Variants in TEX2 observed in about 807,000 individuals in gnomAD.
The protein encoded by TEX2 is testis-expressed protein 2.
Under a neutral mutation model 106.9 loss-of-function variants are expected in TEX2, and 53 were observed. That is an observed-to-expected ratio of 0.50 (90% CI 0.40 to 0.62). The LOEUF is 0.62. TEX2 is among the 20% of genes least tolerant of loss of function. The pLI is 0.00. For synonymous variants in TEX2, 523 were observed against 534.8 expected (o/e 0.98, Z 0.30); for missense variants, 1,207 against 1,379.0 (o/e 0.88, Z 1.98).
At chr17:64,262,514 T>C (rs2034308150) in intron 1 of TEX2, among the ~76,000 whole-genome samples, 2 of 152,076 alleles carry the variant, frequency 1.3e-5, no homozygotes, top group Non-Finnish European at 2.9e-5. Flanking sequence ...CACCGTATGG[T>C]TTCCGTGCTC....
chr17:64,182,940 G>C (rs2031937774), intron 5 of TEX2, among the ~76,000 whole-genome samples: 1 of 150,160 alleles, frequency 6.7e-6, no homozygotes, highest in African/African-American at 2.5e-5. Flanking sequence ...GAGTCTTGCT[G>C]TGTCATCCAG....
intron 7 of TEX2, among the ~76,000 whole-genome samples, chr17:64,163,943 T>G (rs1337612861): frequency 6.6e-6 from 1 of 152,220 alleles, no homozygotes; most frequent in Non-Finnish European, 1.5e-5. Context: ...CCATGTGCCC[T>G]GGCTGGTGCT....
intron 2 of TEX2, among the ~76,000 whole-genome samples, chr17:64,197,748 G>A (rs2032521965): frequency 6.6e-6 from 1 of 152,096 alleles, no homozygotes; most frequent in Non-Finnish European, 1.5e-5. Flanking sequence ...GATCTTTGTA[G>A]AAATGGAGTC....
rs536262813 is a variant in TEX2, at chr17:64,193,756, G to A, written c.1979C>T (p.Pro660Leu). The A allele has an allele frequency of 2.9e-5, 46 of 1,613,464 alleles. No homozygotes were observed. The highest frequency in any genetic ancestry group is 2.3e-4 in the African/African-American group (17 of 74,846). The change falls in exon 4 of 12, where the codon CCG becomes CTG. Residue 660 changes from proline to leucine, a missense_variant. Pro to Leu is a moderately conservative substitution (Grantham distance 98). Transcript: ENST00000584379. ...QTDKETSEEK[P>L]PAEGSEDPKK... ...AGGGTCCTCACTTCCCTCAGCTGGCGGCTTCTCTTCTGAAGTCTCCTTATC... is the reference window on the plus strand; with the variant it reads ...AGGGTCCTCACTTCCCTCAGCTGGCAGCTTCTCTTCTGAAGTCTCCTTATC...
intron 8 of TEX2, 74 bp downstream of exon 8, chr17:64,160,727 T>G: frequency 6.4e-7 from 1 of 1,570,344 alleles, no homozygotes; most frequent in Non-Finnish European, 8.7e-7. Context: ...ACACATCAAA[T>G]CTGCTTCTCA....
At chr17:64,166,021 C>T (rs2031116708) in intron 7 of TEX2, among the ~76,000 whole-genome samples, 1 of 152,178 alleles carries the variant, frequency 6.6e-6, no homozygotes, top group Non-Finnish European at 1.5e-5. Context: ...ATGAATTCAT[C>T]TAAGCCTGAG....
intron 1 of TEX2, among the ~76,000 whole-genome samples, chr17:64,260,990 T>C (rs1555638470): frequency 6.6e-6 from 1 of 152,240 alleles, no homozygotes; most frequent in Non-Finnish European, 1.5e-5. Flanking sequence ...TATAATTTTA[T>C]ATTGAACCTG....
At chr17:64,235,387 G>T (rs1399847213) in intron 1 of TEX2, among the ~76,000 whole-genome samples, 1 of 152,262 alleles carries the variant, frequency 6.6e-6, no homozygotes, top group African/African-American at 2.4e-5. Context: ...GGTGCTCTGT[G>T]CTCCAAGAAA....
chr17:64,172,295 G>T (rs960958375), intron 6 of TEX2, among the ~76,000 whole-genome samples: 1 of 150,530 alleles, frequency 6.6e-6, no homozygotes, highest in Non-Finnish European at 1.5e-5. Context: ...GGAGGTTGCA[G>T]CAAGCCAAGA....
intron 3 of TEX2, among the ~76,000 whole-genome samples, chr17:64,194,201 A>G (rs1228431589): frequency 1.3e-5 from 2 of 152,230 alleles, no homozygotes; most frequent in African/African-American, 4.8e-5. Context: ...TTTGGCTATC[A>G]ACTGAATTTA....
chr17:64,169,311 T>C (rs2031289492), intron 7 of TEX2, among the ~76,000 whole-genome samples: 3 of 152,240 alleles, frequency 2.0e-5, no homozygotes, highest in South Asian at 4.1e-4. Flanking sequence ...AGTGCTAGGA[T>C]TACAGGCGTG....
intron 8 of TEX2, among the ~76,000 whole-genome samples, chr17:64,159,311 A>G (rs1260929343): frequency 6.6e-6 from 1 of 151,810 alleles, no homozygotes; most frequent in African/African-American, 2.4e-5. Flanking sequence ...TTTTTATTAG[A>G]TCTCATTTTC....
Position 64,154,907 on chromosome 17 carries a change from G to A in TEX2, c.2865C>T (p.Ser955=), listed in dbSNP as rs1459898642. 1.9e-6 allele frequency: 3 copies of A among 1,609,908 alleles called. No individual in the cohort carries two copies. Among genetic ancestry groups the A allele is most frequent in the Non-Finnish European group, 2.5e-6 (3 of 1,178,966 alleles). Residue 955 remains serine, a synonymous_variant, in exon 9 of 12, where the codon TCC becomes TCT. Transcript: ENST00000584379. The part of the protein sequence containing the change: ...DSDEESSSAG[S]SEEDDAPEPS... The stretch of plus-strand genomic sequence containing the variant: ...GCTCTGGGGCATCGTCTTCCTCGGA[G>A]GAGCCAGCGCTGGAGGATTCCTCAT...
chr17:64,149,268 T>C, intron 11 of TEX2, 177 bp from the exon 12 acceptor site: 1 of 632,616 alleles, frequency 1.6e-6, no homozygotes, highest in Non-Finnish European at 2.6e-6. Context: ...TGAGGAATCA[T>C]ACCAGCGCAT....
chr17:64,226,724 G>T (rs2033514547), intron 1 of TEX2, among the ~76,000 whole-genome samples: 2 of 152,186 alleles, frequency 1.3e-5, no homozygotes, highest in African/African-American at 4.8e-5. Context: ...CATGTATGAT[G>T]CTGGCAAGGG....
chr17:64,226,625 G>T (rs2033511619), intron 1 of TEX2, among the ~76,000 whole-genome samples: 1 of 152,072 alleles, frequency 6.6e-6, no homozygotes, highest in African/African-American at 2.4e-5. Flanking sequence ...AGTTCAAATG[G>T]CCAAGAAACA....
chr17:64,213,259 G>T lies in TEX2; in HGVS notation c.959C>A (p.Ala320Asp). 6.2e-7 allele frequency: 1 copy of T among 1,614,156 alleles called. No homozygotes were observed. Among genetic ancestry groups the T allele is most frequent in the Non-Finnish European group, 8.5e-7 (1 of 1,180,028 alleles). ...GEESGSHRPK[A>D]LSSSASELSN... Reference sequence around the variant, plus strand: ...GAGTTCTGAAGCACTTGAAGATAAGGCTTTGGGCCTATGGCTGCCACTTTC... The same window carrying T: ...GAGTTCTGAAGCACTTGAAGATAAGTCTTTGGGCCTATGGCTGCCACTTTC... The change falls in exon 2 of 12, where the codon GCC becomes GAC. Residue 320 changes from alanine (A) to aspartate (D), a missense_variant. Ala to Asp is a moderately radical substitution (Grantham distance 126, BLOSUM62 -2). Coordinates refer to ENST00000584379, the MANE Select transcript of TEX2 (RefSeq NM_001288732.2). This position sits in a 1 kb window ranked among gnomAD's most constrained non-coding sequence, Gnocchi z 4.4.
rs1204058347 is a variant in TEX2, at chr17:64,213,739, G to C, written c.479C>G (p.Ser160Cys). Residue 160 changes from serine to cysteine, a missense_variant, in exon 2 of 12, where the codon TCT becomes TGT. Around this residue, in one of 3 missense-constraint regions of TEX2, gnomAD observed 1,067 missense variants for 1,193.6 expected, o/e 0.89. Coordinates refer to ENST00000584379, the MANE Select transcript of TEX2 (RefSeq NM_001288732.2). This position sits in a 1 kb window ranked among gnomAD's most constrained non-coding sequence, Gnocchi z 4.4. ...AGAAGGAGAGGACAATGGGGAGGAA[G>C]AACTGGTTTTCTGCTCAGAAAGGGA... is the stretch of plus-strand genomic sequence containing the variant. ...VSSLSEQKTSSSSPLSSPSKS... is the reference protein window; with the variant it reads ...VSSLSEQKTSCSSPLSSPSKS... 2 of 1,614,050 alleles carry C rather than the reference G, an allele frequency of 1.2e-6. No individual in the cohort carries two copies. The highest frequency in any genetic ancestry group is 1.7e-6 in the Non-Finnish European group (2 of 1,180,034).
chr17:64,252,485 T>C (rs1555637116), intron 1 of TEX2, among the ~76,000 whole-genome samples: 2 of 152,172 alleles, frequency 1.3e-5, no homozygotes, highest in East Asian at 3.9e-4. Context: ...TTAAATTTTT[T>C]GTAAAGAATT....
Sources: allele counts gnomAD v4.1 joint callset (sites outside exome capture counted in the v4.1 genomes callset), GRCh38; gene constraint gnomAD v4.1.1; regional missense constraint gnomAD v4.1.1; non-coding constraint Gnocchi (gnomAD v3.1); transcripts MANE v1.5; gene names NCBI Gene and HGNC (gene_info 2026-07-23, HGNC 2026-07-21).